Variants in TMEM161B observed in about 807,000 individuals in gnomAD.
The protein encoded by TMEM161B is transmembrane protein 161B.
Under a neutral mutation model 61.8 loss-of-function variants are expected in TMEM161B, and 34 were observed. That is an observed-to-expected ratio of 0.55 (90% CI 0.42 to 0.73). The LOEUF is 0.73. Ranked by LOEUF, TMEM161B falls within the 30% of genes least tolerant of loss-of-function variation. TMEM161B has a pLI of 0.00. For synonymous variants in TMEM161B, 167 were observed against 192.8 expected, an observed-to-expected ratio of 0.87 and a Z score of 1.11; for missense variants, 456 against 558.5, an observed-to-expected ratio of 0.82 and a Z score of 1.85.
chr5:88,252,556 A>G (rs930686877), intron 1 of TMEM161B, among the ~76,000 whole-genome samples: 1 of 152,238 alleles, frequency 6.6e-6, no homozygotes, highest in African/African-American at 2.4e-5. Flanking sequence ...GTGACTGAAC[A>G]TAAAGTATAA....
chr5:88,268,710 G>A lies in TMEM161B; in HGVS notation c.3+11C>T, dbSNP rs756425921. On this transcript the variant is annotated intron_variant, in intron 1 of 11. Transcript: ENST00000296595. Reference sequence around the variant, plus strand: ...CACCGTTGTCACTCCTGCCCTCACAGAAGAACTCACCATGGCGCCTAGGAT... The same window carrying A: ...CACCGTTGTCACTCCTGCCCTCACAAAAGAACTCACCATGGCGCCTAGGAT... 27 of 1,613,988 alleles carry A rather than the reference G, an allele frequency of 1.7e-5. No individual in the cohort carries two copies. The East Asian group carries it at 5.3e-4, about 32-fold the overall frequency.
At chr5:88,210,851 T>C (rs1746570958) in intron 5 of TMEM161B, among the ~76,000 whole-genome samples, 1 of 152,198 alleles carries the variant, frequency 6.6e-6, no homozygotes, top group Non-Finnish European at 1.5e-5. Context: ...CAATCAGCTT[T>C]TAGAGGCCAT....
chr5:88,191,994 A>G (rs1331017343), downstream of TMEM161B, among the ~76,000 whole-genome samples: 8 of 56,504 alleles, frequency 1.4e-4, no homozygotes, highest in African/African-American at 2.5e-4. Flanking sequence ...ATATATATAT[A>G]TATATATATA....
chr5:88,225,975 A>G (rs1450184943), intron 3 of TMEM161B, 109 bp from the exon 4 acceptor site: 1 of 656,954 alleles, frequency 1.5e-6, no homozygotes, highest in Non-Finnish European at 2.5e-6. Flanking sequence ...GTGAAAAGGC[A>G]GAATTTCTAA....
downstream of TMEM161B, among the ~76,000 whole-genome samples, chr5:88,188,366 T>A (rs1748493929): frequency 6.6e-6 from 1 of 151,996 alleles, no homozygotes; most frequent in African/African-American, 2.4e-5. Flanking sequence ...TCCACCCGTC[T>A]CAGCCTCCCA....
intron 1 of TMEM161B, among the ~76,000 whole-genome samples, chr5:88,261,618 C>T (rs527755178): frequency 8.1e-4 from 122 of 150,150 alleles, no homozygotes; most frequent in Non-Finnish European, 1.4e-3. Context: ...CAGAAATAGA[C>T]CCACATATAG....
Position 88,215,278 on chromosome 5 carries a change from T to C in TMEM161B, c.446+5285A>G, listed in dbSNP as rs187014070. ...CGTGTTTGACTACTAAGTAGGCACA[T>C]ACAATAAGAAAACAAAGAGAAGCCA... On this transcript the variant is annotated intron_variant, in intron 5 of 11. Transcript: ENST00000296595. 1.1e-4 allele frequency among the ~76,000 whole-genome samples: 16 copies of C among 152,264 alleles called. No individual in the cohort carries two copies. In the East Asian group the frequency reaches 2.7e-3, roughly 26 times the overall value.
chr5:88,187,230 G>A (rs1441924607), downstream of TMEM161B, among the ~76,000 whole-genome samples: 1 of 152,032 alleles, frequency 6.6e-6, no homozygotes, highest in Non-Finnish European at 1.5e-5. Context: ...TTGTCTTTAT[G>A]GCAGAATCAC....
At chr5:88,209,230 G>A (rs1240372995) in intron 5 of TMEM161B, among the ~76,000 whole-genome samples, 2 of 152,148 alleles carry the variant, frequency 1.3e-5, no homozygotes, top group East Asian at 3.9e-4. Context: ...GATGAATATA[G>A]TCAAACTGCA....
At chr5:88,221,359 C>T (rs901728566) in intron 4 of TMEM161B, 2 of 177,724 alleles carry the variant, frequency 1.1e-5, no homozygotes, top group African/African-American at 4.8e-5. Flanking sequence ...ATTAGCCGGG[C>T]ATTGTGGCAG....
At chr5:88,189,906 T>A in exon 13 of TMEM161B, 1 of 601,226 alleles carries the variant, frequency 1.7e-6, no homozygotes, top group Admixed American at 2.8e-5. Context: ...CCGCTCCACC[T>A]TTCCGGAACT....
At chr5:88,231,754 T>C (rs1051443466) in intron 2 of TMEM161B, among the ~76,000 whole-genome samples, 4 of 152,202 alleles carry the variant, frequency 2.6e-5, no homozygotes, top group Admixed American at 1.3e-4. Context: ...AGTTAGGTTT[T>C]ATAAAGTTGC....
intron 1 of TMEM161B, among the ~76,000 whole-genome samples, chr5:88,251,568 G>A (rs890530367): frequency 6.8e-6 from 1 of 146,760 alleles, no homozygotes; most frequent in Non-Finnish European, 1.5e-5. Context: ...CCTGGCCAAT[G>A]CCCAAAAATG....
intron 1 of TMEM161B, among the ~76,000 whole-genome samples, chr5:88,241,943 G>A (rs1431472856): frequency 1.3e-5 from 2 of 151,672 alleles, no homozygotes; most frequent in African/African-American, 4.8e-5. Flanking sequence ...AAATAATAGA[G>A]CATCTTCTAT....
chr5:88,251,996 C>G (rs1418220947), intron 1 of TMEM161B, among the ~76,000 whole-genome samples: 1 of 152,076 alleles, frequency 6.6e-6, no homozygotes, highest in Non-Finnish European at 1.5e-5. Flanking sequence ...TTTGTCTTAA[C>G]AGAGCTTAAA....
rs532569434 is a variant in TMEM161B, at chr5:88,263,738, C to T, written c.3+4983G>A. 7.2e-5 allele frequency among the ~76,000 whole-genome samples: 11 copies of T among 152,208 alleles called. No homozygotes were observed. In the East Asian group the frequency reaches 1.4e-3, roughly 19 times the overall value. ...CTTAATGCACTTTAAGCTTTTGTTG[C>T]GGAGAAAACAAAAGAACCAATTTTT... On this transcript the variant is annotated intron_variant, in intron 1 of 11. Coordinates refer to ENST00000296595, the MANE Select transcript of TMEM161B (RefSeq NM_153354.5).
intron 8 of TMEM161B, 133 bp downstream of exon 8, chr5:88,205,681 G>A: frequency 3.0e-6 from 3 of 986,848 alleles, no homozygotes; most frequent in Non-Finnish European, 2.9e-6. Context: ...ATAGTTGAAA[G>A]AGGAAGTAGT....
At chr5:88,255,338 T>C (rs1754831199) in intron 1 of TMEM161B, among the ~76,000 whole-genome samples, 1 of 152,192 alleles carries the variant, frequency 6.6e-6, no homozygotes, top group Non-Finnish European at 1.5e-5. Context: ...TGGCCTTCAC[T>C]GGTTTTCTAA....
downstream of TMEM161B, among the ~76,000 whole-genome samples, chr5:88,194,562 A>C (rs1749321407): frequency 6.6e-6 from 1 of 152,084 alleles, no homozygotes; most frequent in Admixed American, 6.6e-5. Context: ...TCTTTGAGGA[A>C]TCTCCATACT....
Sources: gnomAD v4.1 joint callset for allele counts (sites outside exome capture counted in the v4.1 genomes callset) on GRCh38, gnomAD v4.1.1 for gene constraint, MANE v1.5 for transcripts, NCBI Gene and HGNC (gene_info 2026-07-23, HGNC 2026-07-21) for gene names.